ATP8A2: variants seen among roughly 807,000 people sequenced by gnomAD.
ATP8A2 encodes phospholipid-transporting ATPase IB.
ATP8A2 carries 100 observed loss-of-function variants against 165.6 expected under a neutral mutation model. That is an observed-to-expected ratio of 0.60 (90% CI 0.51 to 0.71). The LOEUF is 0.71. Ranked by LOEUF, ATP8A2 falls within the 30% of genes least tolerant of loss-of-function variation. ATP8A2 has a pLI of 0.00. For synonymous variants in ATP8A2, 543 were observed against 548.8 expected (o/e 0.99, Z 0.15); for missense variants, 1,227 against 1,479.5 (o/e 0.83, Z 2.80).
chr13:25,913,641 G>C (rs1266444238), intron 33 of ATP8A2, among the ~76,000 whole-genome samples: 1 of 152,170 alleles, frequency 6.6e-6, no homozygotes, highest in Non-Finnish European at 1.5e-5. Context: ...AAATCATGTT[G>C]TGTTTGTTCA....
chr13:25,615,197 G>C (rs2040791545), intron 24 of ATP8A2, among the ~76,000 whole-genome samples: 2 of 152,116 alleles, frequency 1.3e-5, no homozygotes, highest in Non-Finnish European at 2.9e-5. Context: ...ACTGTCCTTG[G>C]GCAGGGCTTG....
intron 2 of ATP8A2, among the ~76,000 whole-genome samples, chr13:25,476,413 C>G (rs529481827): frequency 1.3e-5 from 2 of 151,892 alleles, no homozygotes; most frequent in South Asian, 4.2e-4. Flanking sequence ...CTCAGACTCT[C>G]GAGTAGCTGC....
At position 25,469,044 on chromosome 13, in the gene ATP8A2, A is replaced by C. The variant is rs7317185; in HGVS notation, c.144A>C (p.Gly48=). ...EDEMSRATSV[G]DQLEAPARTI... ...AGATGTCCCGGGCCACGTCTGTTGG[A>C]GACCAGCTGGAGGCACCCGCCCGCA... The change falls in exon 2 of 37, where the codon GGA becomes GGC. Residue 48 remains glycine (G), a synonymous_variant. Transcript: ENST00000381655. 0.21 allele frequency: 341,678 copies of C among 1,613,836 alleles called. 37,564 individuals carry two copies. The highest frequency in any genetic ancestry group is 0.31 in the African/African-American group (23,268 of 74,976).
intron 1 of ATP8A2, among the ~76,000 whole-genome samples, chr13:25,428,470 A>C (rs144535099): frequency 6.6e-6 from 1 of 152,226 alleles, no homozygotes; most frequent in East Asian, 1.9e-4. Context: ...TGTGGGAAAC[A>C]GACTTATGAA....
At chr13:25,740,190 T>G (rs1021243536) in intron 25 of ATP8A2, among the ~76,000 whole-genome samples, 2 of 151,448 alleles carry the variant, frequency 1.3e-5, no homozygotes, top group Admixed American at 1.3e-4. Context: ...GCGCCTGTAG[T>G]CCCAGCTTCT....
At chr13:25,792,892 G>A (rs1185809143) in intron 27 of ATP8A2, among the ~76,000 whole-genome samples, 1 of 150,556 alleles carries the variant, frequency 6.6e-6, no homozygotes, top group Non-Finnish European at 1.5e-5. Context: ...GCACAACAAT[G>A]AGACCCTGTC....
intron 24 of ATP8A2, among the ~76,000 whole-genome samples, chr13:25,654,268 C>T (rs764812007): frequency 6.6e-6 from 1 of 152,046 alleles, no homozygotes; most frequent in South Asian, 2.1e-4. Flanking sequence ...TGCAGTGGCA[C>T]GATAAGGGCT....
intron 34 of ATP8A2, among the ~76,000 whole-genome samples, chr13:25,962,046 A>G (rs1420998565): frequency 6.6e-6 from 1 of 152,156 alleles, no homozygotes; most frequent in Non-Finnish European, 1.5e-5. Context: ...AAACAAAAAG[A>G]AAAGAAAAAA....
At chr13:25,643,879 C>G (rs188667309) in intron 24 of ATP8A2, among the ~76,000 whole-genome samples, 40 of 152,008 alleles carry the variant, frequency 2.6e-4, no homozygotes, top group Admixed American at 4.6e-4. Context: ...TTAATTATTC[C>G]TGTCTATGAA....
At chr13:25,932,114 A>T (rs1181993) in intron 33 of ATP8A2, among the ~76,000 whole-genome samples, 78,557 of 151,728 alleles carry the variant, frequency 0.52, 21,092 homozygotes, top group East Asian at 0.76. Flanking sequence ...ACCTGTTATA[A>T]ACTTACCCAC....
intron 30 of ATP8A2, among the ~76,000 whole-genome samples, chr13:25,854,744 C>T (rs765778589): frequency 2.0e-5 from 3 of 152,190 alleles, no homozygotes; most frequent in Non-Finnish European, 2.9e-5. Flanking sequence ...CCAATACAGT[C>T]GCCATTAGCC....
At chr13:25,828,472 C>T (rs1006335466) in intron 28 of ATP8A2, among the ~76,000 whole-genome samples, 2 of 152,220 alleles carry the variant, frequency 1.3e-5, no homozygotes, top group Non-Finnish European at 2.9e-5. Flanking sequence ...TTACTACATG[C>T]CTGTGCAACA....
chr13:26,019,760 A>C, intron 36 of ATP8A2, 128 bp from the exon 37 acceptor site: 1 of 643,206 alleles, frequency 1.6e-6, no homozygotes, highest in Non-Finnish European at 2.8e-6. Flanking sequence ...GCCTCCACCT[A>C]TCCAAGGCTA....
At position 25,731,286 on chromosome 13, in the gene ATP8A2, AAGAG is replaced by A. The variant is rs201931292; in HGVS notation, c.2384+31949_2384+31952del. Among the ~76,000 whole-genome samples, 514 of 147,600 alleles carry A rather than the reference AAGAG, an allele frequency of 3.5e-3. 1 individual carries two copies. The highest frequency in any genetic ancestry group is 6.9e-3 in the Middle Eastern group (2 of 288). On this transcript the variant is annotated intron_variant, in intron 25 of 36. Coordinates refer to ENST00000381655, the MANE Select transcript of ATP8A2 (RefSeq NM_016529.6). Reference sequence around the variant, plus strand: ...GAAGCGGGAGGAAGAAAAAGAAAGAAAGAGAGAGAGAAAGAAAGAAAAGACCGGA... The same window carrying A: ...GAAGCGGGAGGAAGAAAAAGAAAGAAAGAGAGAAAGAAAGAAAAGACCGGA...
intron 30 of ATP8A2, among the ~76,000 whole-genome samples, chr13:25,858,975 C>T (rs1245411621): frequency 1.3e-5 from 2 of 151,910 alleles, no homozygotes; most frequent in Non-Finnish European, 2.9e-5. Context: ...GAGCCTGAGG[C>T]GGGTGGATCA....
At chr13:25,589,356 G>C (rs2040007493) in intron 23 of ATP8A2, among the ~76,000 whole-genome samples, 1 of 152,078 alleles carries the variant, frequency 6.6e-6, no homozygotes, top group Non-Finnish European at 1.5e-5. Context: ...ACGATCCAAG[G>C]CTTATCTTAA....
intron 1 of ATP8A2, among the ~76,000 whole-genome samples, chr13:25,462,108 T>C (rs906609394): frequency 2.0e-5 from 3 of 152,244 alleles, no homozygotes; most frequent in Non-Finnish European, 4.4e-5. Context: ...TGGCTTCTAA[T>C]CATATCTTCC....
chr13:25,865,119 TA>T (rs1311797838), intron 33 of ATP8A2, among the ~76,000 whole-genome samples: 3 of 152,230 alleles, frequency 2.0e-5, no homozygotes, highest in Non-Finnish European at 2.9e-5. Context: ...TATGCTGTCA[TA>T]AAAAAGAGGA....
rs1002357066 is a variant in ATP8A2, at chr13:25,888,113, C to T, written c.3183+25705C>T. On this transcript the variant is annotated intron_variant, in intron 33 of 36. Transcript: ENST00000381655. ...CCAGAGAACACTGGCATTTGCAGGA[C>T]GAATAAACAGCCTTCTGCTTAACAA... 5.3e-5 allele frequency among the ~76,000 whole-genome samples: 7 copies of T among 132,140 alleles called. No homozygotes were observed. The South Asian group carries it at 8.1e-4, about 15-fold the overall frequency. The allele number at this position is 132,140 out of a possible 152,430, so 86.7% of individuals were successfully genotyped here. A position where few individuals can be genotyped will look rare whatever the true frequency, so the allele number is the denominator to read the frequency against.
Sources: allele counts gnomAD v4.1 joint callset (sites outside exome capture counted in the v4.1 genomes callset), GRCh38; gene constraint gnomAD v4.1.1; transcripts MANE v1.5; gene names NCBI Gene and HGNC (gene_info 2026-07-23, HGNC 2026-07-21).